THRAP3: variants seen among roughly 807,000 people sequenced by gnomAD.
THRAP3 encodes thyroid hormone receptor-associated protein 3.
Under a neutral mutation model 101.0 loss-of-function variants are expected in THRAP3, and 16 were observed. The observed-to-expected ratio is 0.16, with a 90% confidence interval of 0.11 to 0.24. The LOEUF (loss-of-function observed/expected upper bound fraction) is 0.24. Among genes scored for constraint, THRAP3 ranks in the 10% least tolerant of loss-of-function variants. The pLI is 1.00. For missense variants in THRAP3, 989 were observed against 1,202.7 expected (o/e 0.82, Z 2.63); for synonymous variants, 407 against 422.6 (o/e 0.96, Z 0.45).
intron 1 of THRAP3, among the ~76,000 whole-genome samples, chr1:36,247,411 G>A (rs1478255736): frequency 2.6e-5 from 4 of 151,740 alleles, no homozygotes; most frequent in Non-Finnish European, 4.4e-5. Context: ...TGCAACCTCG[G>A]CCTCGTAGGT....
chr1:36,280,934 T>A (rs560767491), intron 2 of THRAP3, among the ~76,000 whole-genome samples: 186 of 151,966 alleles, frequency 1.2e-3, no homozygotes, highest in Middle Eastern at 3.4e-3. Context: ...TTTATTTATT[T>A]TTTTTTTTGA....
chr1:36,269,547 G>C (rs1645561808), intron 2 of THRAP3, among the ~76,000 whole-genome samples: 1 of 152,154 alleles, frequency 6.6e-6, no homozygotes, highest in Non-Finnish European at 1.5e-5. Context: ...GAGTTAGAAT[G>C]TTATTTGCTG....
chr1:36,212,749 G>A, the THRAP3 span, among the ~76,000 whole-genome samples: 1 of 152,170 alleles, frequency 6.6e-6, no homozygotes, highest in East Asian at 1.9e-4. Flanking sequence ...TTATCAGAGT[G>A]CTGCTACCAG....
the THRAP3 span, among the ~76,000 whole-genome samples, chr1:36,210,726 T>TA: frequency 5.4e-4 from 1 of 1,848 alleles, no homozygotes; most frequent in African/African-American, 1.1e-3. Context: ...TATATATATA[T>TA]ATATATATAT....
At chr1:36,273,261 C>T (rs1176474228) in intron 2 of THRAP3, among the ~76,000 whole-genome samples, 1 of 152,192 alleles carries the variant, frequency 6.6e-6, no homozygotes, top group African/African-American at 2.4e-5. Flanking sequence ...GAGACTTCGT[C>T]CTGAGGCCTG....
At chr1:36,251,796 A>G (rs55911053) in intron 1 of THRAP3, among the ~76,000 whole-genome samples, 12,811 of 152,238 alleles carry the variant, frequency 0.084, 759 homozygotes, top group Middle Eastern at 0.23. Flanking sequence ...ACATATATTA[A>G]TTTATTCGGT....
At position 36,296,653 on chromosome 1, in the gene THRAP3, A is replaced by C; in HGVS notation, c.2186A>C (p.Glu729Ala). 1 of 1,609,532 alleles carries C rather than the reference A, an allele frequency of 6.2e-7. No individual in the cohort carries two copies. Among genetic ancestry groups the C allele is most frequent in the Non-Finnish European group, 8.5e-7 (1 of 1,178,956 alleles). ...LDIERRKKHK[E>A]RDLKRGKSRE... ...ATTGAACGTCGTAAAAAACATAAGGAGAGAGATCTTAAACGAGGTAAATCG... is the reference window on the plus strand; with the variant it reads ...ATTGAACGTCGTAAAAAACATAAGGCGAGAGATCTTAAACGAGGTAAATCG... Residue 729 changes from glutamate (E) to alanine (A), a missense_variant, in exon 9 of 12, where the codon GAG (glutamate) becomes GCG (alanine). Coordinates refer to ENST00000354618, the MANE Select transcript of THRAP3 (RefSeq NM_005119.4).
intron 1 of THRAP3, among the ~76,000 whole-genome samples, chr1:36,233,239 G>C (rs1379410901): frequency 6.6e-6 from 1 of 151,040 alleles, no homozygotes; most frequent in East Asian, 2.0e-4. Flanking sequence ...CTGGCGTGGT[G>C]GCTCACGCCT....
At chr1:36,301,429 C>G (rs969278459) in intron 10 of THRAP3, 124 bp from the exon 11 acceptor site, 2 of 1,240,720 alleles carry the variant, frequency 1.6e-6, no homozygotes, top group African/African-American at 1.5e-5. Flanking sequence ...ACCAGCTGAC[C>G]AGCATATGAC....
At position 36,304,109 on chromosome 1, in the gene THRAP3, TG is replaced by T; in HGVS notation, c.*93del. The stretch of plus-strand genomic sequence containing the variant: ...TAACAGAGGAACCTCAAGAAGATTC[TG>T]AAAATCCTACCCCCACCCCCCACCA... On this transcript the variant is annotated 3_prime_UTR_variant, in exon 12 of 12. Transcript: ENST00000354618. 1 of 1,434,394 alleles carries T rather than the reference TG, an allele frequency of 7.0e-7. No homozygotes were observed. Among genetic ancestry groups the T allele is most frequent in the Non-Finnish European group, 9.2e-7 (1 of 1,090,594 alleles). The allele number at this position is 1,434,394 out of a possible 1,614,324, so 88.9% of individuals were successfully genotyped here.
rs1646079737 is a variant in THRAP3, at chr1:36,304,840, G to A, written c.*823G>A. On this transcript the variant is annotated 3_prime_UTR_variant, in exon 12 of 12. Coordinates refer to ENST00000354618, the MANE Select transcript of THRAP3 (RefSeq NM_005119.4). Reference sequence around the variant, plus strand: ...AACGGGGTGGAAACTGGAGGGCAGTGTCTGGTCTGTTTTCTAAGAAACTTA... The same window carrying A: ...AACGGGGTGGAAACTGGAGGGCAGTATCTGGTCTGTTTTCTAAGAAACTTA... 4.8e-6 allele frequency: 1 copy of A among 206,934 alleles called. No homozygotes were observed. Among genetic ancestry groups the A allele is most frequent in the East Asian group, 7.3e-5 (1 of 13,696 alleles). 12.8% of individuals were successfully genotyped at this position (206,934 alleles called of 1,614,324 possible). A position where few individuals can be genotyped will look rare whatever the true frequency, so the allele number is the denominator to read the frequency against.
intron 2 of THRAP3, among the ~76,000 whole-genome samples, chr1:36,272,834 G>C (rs1645609131): frequency 6.6e-6 from 1 of 152,308 alleles, no homozygotes; most frequent in Admixed American, 6.5e-5. Context: ...AACGAGATCA[G>C]TTTGGTCTTA....
At chr1:36,287,447 C>A in intron 4 of THRAP3, 177 bp downstream of exon 4, 1 of 985,010 alleles carries the variant, frequency 1.0e-6, no homozygotes, top group Non-Finnish European at 1.2e-6. Flanking sequence ...TTAACTCTAG[C>A]TTTCCTACCT....
At chr1:36,224,899 T>G (rs942385800) in intron 1 of THRAP3, 3 of 152,340 alleles carry the variant, frequency 2.0e-5, no homozygotes, top group Admixed American at 2.0e-4. Flanking sequence ...CCCATTGGCC[T>G]GGTTCGGTCT....
intron 1 of THRAP3, among the ~76,000 whole-genome samples, chr1:36,253,675 C>G (rs1645336260): frequency 6.6e-6 from 1 of 151,442 alleles, no homozygotes. Context: ...CTCACTGCAA[C>G]TTCAAGCTCC....
At chr1:36,281,075 G>A (rs550910929) in intron 2 of THRAP3, among the ~76,000 whole-genome samples, 1 of 151,760 alleles carries the variant, frequency 6.6e-6, no homozygotes, top group African/African-American at 2.4e-5. Context: ...ACAGGCACCC[G>A]CCACTACTTT....
chr1:36,261,353 A>G (rs1288079577), intron 2 of THRAP3, among the ~76,000 whole-genome samples: 1 of 152,194 alleles, frequency 6.6e-6, no homozygotes, highest in Admixed American at 6.5e-5. Flanking sequence ...TAACACGGTG[A>G]AACCCCATCT....
intron 11 of THRAP3, 100 bp downstream of exon 11, chr1:36,301,796 G>T: frequency 6.9e-7 from 1 of 1,453,752 alleles, no homozygotes; most frequent in Non-Finnish European, 9.3e-7. Context: ...GCGATTAAAT[G>T]TACGTGCAGG....
At chr1:36,293,494 G>A (rs1645905163) in intron 7 of THRAP3, among the ~76,000 whole-genome samples, 1 of 152,170 alleles carries the variant, frequency 6.6e-6, no homozygotes. Flanking sequence ...TATTACATTT[G>A]GTTGTGGGAG....
Sources: allele counts gnomAD v4.1 joint callset (sites outside exome capture counted in the v4.1 genomes callset), GRCh38; gene constraint gnomAD v4.1.1; transcripts MANE v1.5; gene names NCBI Gene and HGNC (gene_info 2026-07-23, HGNC 2026-07-21).